Variants in TLK1 observed in about 807,000 individuals in gnomAD.
The protein encoded by TLK1 is serine/threonine-protein kinase tousled-like 1.
TLK1 carries 24 observed loss-of-function variants against 105.3 expected under a neutral mutation model. The ratio of observed to expected loss-of-function variants is 0.23; its 90% CI spans 0.17 to 0.32. The LOEUF (loss-of-function observed/expected upper bound fraction) is 0.32. TLK1 is among the 10% of genes least tolerant of loss of function. TLK1 has a pLI of 1.00. For missense variants in TLK1, 558 were observed against 910.5 expected, an observed-to-expected ratio of 0.61 and a Z score of 4.98; for synonymous variants, 321 against 310.4, an observed-to-expected ratio of 1.03 and a Z score of -0.36.
At chr2:171,064,796 C>T (rs892146544) in intron 3 of TLK1, among the ~76,000 whole-genome samples, 2 of 152,120 alleles carry the variant, frequency 1.3e-5, no homozygotes, top group African/African-American at 4.8e-5. Context: ...TGTAATCATA[C>T]CAAAACCTGA....
chr2:171,081,809 T>C, intron 3 of TLK1: 1 of 733,718 alleles, frequency 1.4e-6, no homozygotes, highest in Non-Finnish European at 2.1e-6. Flanking sequence ...ACCTAGAGAT[T>C]TCTAGATGCT....
chr2:171,059,722 G>A (rs557901661), intron 4 of TLK1, among the ~76,000 whole-genome samples: 8 of 152,240 alleles, frequency 5.3e-5, no homozygotes, highest in South Asian at 4.1e-4. Flanking sequence ...CACAGACTGC[G>A]GGGAGTAGGG....
At chr2:171,039,761 C>T (rs777222204) in intron 11 of TLK1, among the ~76,000 whole-genome samples, 5 of 152,140 alleles carry the variant, frequency 3.3e-5, no homozygotes, top group Non-Finnish European at 7.3e-5. Flanking sequence ...CAATAAAAAT[C>T]ATCTCTTCAA....
In TLK1 at chr2:171,160,391, G is replaced by A; in HGVS notation, c.38C>T (p.Pro13Leu). 6.2e-7 allele frequency: 1 copy of A among 1,603,898 alleles called. No individual in the cohort carries two copies. The highest frequency in any genetic ancestry group is 1.3e-5 in the African/African-American group (1 of 74,130). The change falls in exon 1 of 21, where the codon CCG becomes CTG. Residue 13 changes from proline (P) to leucine (L), a missense_variant. By Grantham distance (98) the Pro-to-Leu change is moderately conservative. Coordinates refer to ENST00000431350, the MANE Select transcript of TLK1 (RefSeq NM_012290.5). The surrounding 1 kb of genome is among the most constrained non-coding windows in gnomAD (Gnocchi z 4.4). Reference protein sequence around the residue: ...VQSSSGSLEGPPSWSQLSTSP... With the variant: ...VQSSSGSLEGLPSWSQLSTSP... ...CGTGGAGAGCTGGGACCAAGATGGCGGCCCCTCCAAACTTCCACTGCTACT... is the reference window on the plus strand; with the variant it reads ...CGTGGAGAGCTGGGACCAAGATGGCAGCCCCTCCAAACTTCCACTGCTACT...
chr2:171,228,296 G>A (rs13004356), intron 1 of TLK1, among the ~76,000 whole-genome samples: 102,068 of 152,186 alleles, frequency 0.67, 35,504 homozygotes, highest in Middle Eastern at 0.83. Flanking sequence ...AGGCATGCCT[G>A]TAATCCCAGC....
At chr2:171,208,695 C>T (rs142414783) in intron 1 of TLK1, among the ~76,000 whole-genome samples, 68 of 152,302 alleles carry the variant, frequency 4.5e-4, no homozygotes, top group African/African-American at 1.5e-3. Flanking sequence ...CTTAAACATT[C>T]AAAAATGAGG....
intron 1 of TLK1, among the ~76,000 whole-genome samples, chr2:171,188,404 T>TACTAAAAAC (rs1693076929): frequency 6.6e-6 from 1 of 151,954 alleles, no homozygotes; most frequent in Admixed American, 6.6e-5. Context: ...ACCCCATCTC[T>TACTAAAAAC]ACTAAAAACA....
chr2:171,019,574 A>G (rs1685381132), intron 12 of TLK1, among the ~76,000 whole-genome samples: 1 of 152,020 alleles, frequency 6.6e-6, no homozygotes, highest in South Asian at 2.1e-4. Flanking sequence ...AATATATGTT[A>G]CATATTCTCT....
chr2:171,003,205 C>T (rs1684472496), intron 18 of TLK1, among the ~76,000 whole-genome samples: 1 of 129,244 alleles, frequency 7.7e-6, no homozygotes, highest in Non-Finnish European at 1.6e-5. Context: ...ACCCGGGAGG[C>T]GGAGCTTGCA....
At chr2:171,166,644 G>C (rs1411525152) in intron 1 of TLK1, among the ~76,000 whole-genome samples, 2 of 152,184 alleles carry the variant, frequency 1.3e-5, no homozygotes, top group African/African-American at 4.8e-5. Context: ...AAGCCCTTTT[G>C]AAGTAAGCAA....
intron 1 of TLK1, among the ~76,000 whole-genome samples, chr2:171,124,679 AG>A (rs1690797304): frequency 6.6e-6 from 1 of 152,240 alleles, no homozygotes; most frequent in Non-Finnish European, 1.5e-5. Context: ...CAGTTTTACA[AG>A]CTTTGTAAAT....
At chr2:171,000,548 G>T (rs35279794) in intron 18 of TLK1, among the ~76,000 whole-genome samples, 31,450 of 151,894 alleles carry the variant, frequency 0.21, 3,863 homozygotes, top group Non-Finnish European at 0.28. Context: ...AATCGTAAGA[G>T]AAAATCACTA....
intron 1 of TLK1, among the ~76,000 whole-genome samples, chr2:171,137,494 C>G (rs1428590579): frequency 6.6e-6 from 1 of 152,074 alleles, no homozygotes; most frequent in Non-Finnish European, 1.5e-5. Flanking sequence ...CATATACACC[C>G]AGGCACATGC....
At chr2:171,149,746 A>C (rs1691954767) in intron 1 of TLK1, among the ~76,000 whole-genome samples, 1 of 152,078 alleles carries the variant, frequency 6.6e-6, no homozygotes, top group Non-Finnish European at 1.5e-5. Flanking sequence ...TCTCCACAAA[A>C]AGTTAAAAAA....
chr2:171,227,489 C>A (rs768555875), intron 1 of TLK1, among the ~76,000 whole-genome samples: 1 of 150,082 alleles, frequency 6.7e-6, no homozygotes, highest in Non-Finnish European at 1.5e-5. Context: ...TTATGTGTAC[C>A]TGAGTCCAAA....
At chr2:171,074,105 G>A (rs1162401461) in intron 3 of TLK1, among the ~76,000 whole-genome samples, 1 of 152,010 alleles carries the variant, frequency 6.6e-6, no homozygotes, top group Non-Finnish European at 1.5e-5. Flanking sequence ...TGGCCAGGCT[G>A]GTCTCGAACT....
In TLK1 at chr2:171,108,448, C is replaced by T. The variant is rs752094968; in HGVS notation, c.258+9291G>A. Among the ~76,000 whole-genome samples, 6 of 151,838 alleles carry T rather than the reference C, an allele frequency of 4.0e-5. No homozygotes were observed. The South Asian group carries it at 6.2e-4, about 16-fold the overall frequency. ...AAATTCATTTGTCCAATGGAAAACACGTAAAGTACAAGAAGACATTAAGCA... is the reference window on the plus strand; with the variant it reads ...AAATTCATTTGTCCAATGGAAAACATGTAAAGTACAAGAAGACATTAAGCA... On this transcript the variant is annotated intron_variant, in intron 2 of 20. Coordinates refer to ENST00000431350, the MANE Select transcript of TLK1 (RefSeq NM_012290.5).
intron 12 of TLK1, among the ~76,000 whole-genome samples, chr2:171,022,179 TTATC>T (rs1232809368): frequency 1.3e-5 from 2 of 151,346 alleles, no homozygotes; most frequent in Admixed American, 1.3e-4. Context: ...TAGCTGAACA[TTATC>T]TACTACCAAG....
At chr2:171,022,603 C>T (rs1186426780) in intron 12 of TLK1, among the ~76,000 whole-genome samples, 2 of 152,146 alleles carry the variant, frequency 1.3e-5, no homozygotes, top group South Asian at 2.1e-4. Context: ...ATGTAGTTGG[C>T]TTTAATTGAG....
Sources: allele counts gnomAD v4.1 joint callset (sites outside exome capture counted in the v4.1 genomes callset), GRCh38; gene constraint gnomAD v4.1.1; non-coding constraint Gnocchi (gnomAD v3.1); transcripts MANE v1.5; gene names NCBI Gene and HGNC (gene_info 2026-07-23, HGNC 2026-07-21).